CDH11: variants seen among roughly 807,000 people sequenced by gnomAD.
CDH11 encodes the protein cadherin 11.
A neutral mutation model predicts 67.8 loss-of-function variants in CDH11; 11 were observed. The observed-to-expected ratio is 0.16, with a 90% CI of 0.10 to 0.27. The LOEUF (loss-of-function observed/expected upper bound fraction) is 0.27, where lower values mean the gene tolerates loss of function less well. CDH11 is among the 10% of genes least tolerant of loss of function. The pLI, the probability that CDH11 is intolerant of heterozygous loss-of-function variation, is 1.00. For missense variants in CDH11, 847 were observed against 1,031.2 expected (o/e 0.82, Z 2.45); for synonymous variants, 419 against 400.0 (o/e 1.05, Z -0.57).
At chr16:65,079,401 A>T (rs1266982721) in intron 1 of CDH11, among the ~76,000 whole-genome samples, 6 of 152,216 alleles carry the variant, frequency 3.9e-5, no homozygotes, top group Non-Finnish European at 7.3e-5. Flanking sequence ...GATGTTTTCT[A>T]AAAAGTATTT....
chr16:65,009,328 AT>A (rs2073128763), intron 2 of CDH11, among the ~76,000 whole-genome samples: 1 of 152,200 alleles, frequency 6.6e-6, no homozygotes, highest in Non-Finnish European at 1.5e-5. Context: ...CAGTCCATCA[AT>A]AACCATCAAT....
intron 1 of CDH11, among the ~76,000 whole-genome samples, chr16:65,103,704 C>T (rs1163376837): frequency 6.6e-6 from 1 of 152,078 alleles, no homozygotes; most frequent in Non-Finnish European, 1.5e-5. Flanking sequence ...GTAAGGTATC[C>T]ACTAGCTGCA....
At chr16:65,071,619 C>G (rs1334263268) in intron 1 of CDH11, among the ~76,000 whole-genome samples, 1 of 152,122 alleles carries the variant, frequency 6.6e-6, no homozygotes, top group African/African-American at 2.4e-5. Flanking sequence ...AGCGCGTGTC[C>G]CCAGACACCA....
chr16:64,973,576 C>T (rs965186302), intron 8 of CDH11, among the ~76,000 whole-genome samples: 10 of 152,098 alleles, frequency 6.6e-5, no homozygotes, highest in East Asian at 1.9e-4. Context: ...GAGGCCAAGG[C>T]GGATGGATCA....
At chr16:65,116,013 A>G (rs969335291) in intron 1 of CDH11, among the ~76,000 whole-genome samples, 1 of 152,188 alleles carries the variant, frequency 6.6e-6, no homozygotes, top group African/African-American at 2.4e-5. Flanking sequence ...GACAGAATCC[A>G]GCCGTGCACT....
chr16:65,028,730 A>G (rs1375829414), intron 2 of CDH11, among the ~76,000 whole-genome samples: 3 of 152,104 alleles, frequency 2.0e-5, no homozygotes, highest in Non-Finnish European at 4.4e-5. Flanking sequence ...CAGATGCCCA[A>G]CCCTCCATGC....
chr16:65,072,745 T>C (rs2074440035), intron 1 of CDH11, among the ~76,000 whole-genome samples: 1 of 152,176 alleles, frequency 6.6e-6, no homozygotes, highest in Non-Finnish European at 1.5e-5. Context: ...CACTATTGTA[T>C]TGTATATTGT....
chr16:64,967,788 T>C (rs1393857663), intron 11 of CDH11, among the ~76,000 whole-genome samples: 1 of 152,216 alleles, frequency 6.6e-6, no homozygotes, highest in East Asian at 1.9e-4. Context: ...AATGTTTTAA[T>C]ACCATTTTTG....
At chr16:65,060,799 T>TA (rs562675085) in intron 1 of CDH11, among the ~76,000 whole-genome samples, 141 of 149,176 alleles carry the variant, frequency 9.5e-4, no homozygotes, top group African/African-American at 2.0e-3. Flanking sequence ...ATTTTTACAT[T>TA]AAAAAAAAAA....
rs534366460 is a variant in CDH11, at chr16:65,004,927, C to G, written c.-58G>C. 1.4e-6 allele frequency: 2 copies of G among 1,453,792 alleles called. No individual in the cohort carries two copies. Among genetic ancestry groups the G allele is most frequent in the East Asian group, 2.6e-5 (1 of 38,934 alleles). The allele number at this position is 1,453,792 out of a possible 1,614,324, so 90.1% of individuals were successfully genotyped here. On this transcript the variant is annotated 5_prime_UTR_variant, in exon 3 of 13. Transcript: ENST00000268603. ...GCTGTCACCCCTTCCACCAACTGTA[C>G]GGTGGTCTTGCTGAGGGTGGCCTCC...
In CDH11 at chr16:65,004,763, T is replaced by A. The variant is rs754156700; in HGVS notation, c.107A>T (p.His36Leu). ...ERRGHLRPSF[H>L]GHHEKGKEGQ... ...CTCCTTGCCCTTCTCATGGTGCCCA[T>A]GGAAGGAGGGCCGCAGGTGCCCCCG... The change falls in exon 3 of 13, where the codon CAT (histidine) becomes CTT (leucine). Residue 36 changes from histidine (H) to leucine (L), a missense_variant. By Grantham distance (99) the His-to-Leu change is moderately conservative (BLOSUM62 -3). Transcript: ENST00000268603. The A allele has an allele frequency of 1.1e-5, 18 of 1,610,778 alleles. No individual in the cohort carries two copies. The highest frequency in any genetic ancestry group is 1.7e-6 in the Non-Finnish European group (2 of 1,178,642).
At chr16:65,028,097 G>A (rs1265986630) in intron 2 of CDH11, among the ~76,000 whole-genome samples, 1 of 152,154 alleles carries the variant, frequency 6.6e-6, no homozygotes, top group African/African-American at 2.4e-5. Context: ...AGGAAGAAAC[G>A]GAAAGAAGAG....
At chr16:65,096,429 G>A (rs1353901704) in intron 1 of CDH11, among the ~76,000 whole-genome samples, 6 of 144,720 alleles carry the variant, frequency 4.1e-5, no homozygotes, top group Admixed American at 1.4e-4. Flanking sequence ...GTGTGTGTGT[G>A]TGTGTGTGTG....
intron 11 of CDH11, chr16:64,968,668 G>T: frequency 4.4e-6 from 2 of 453,450 alleles, no homozygotes; most frequent in Non-Finnish European, 5.8e-6. Flanking sequence ...GCTTATGCCG[G>T]AGTTTAGGCA....
Position 64,946,898 on chromosome 16 carries a change from G to A in CDH11, c.*705C>T. The A allele has an allele frequency of 1.2e-6, 1 of 811,766 alleles. No individual in the cohort carries two copies. The highest frequency in any genetic ancestry group is 5.9e-5 in the South Asian group (1 of 17,016). The allele number at this position is 811,766 out of a possible 1,614,324, so 50.3% of individuals were successfully genotyped here. A position where few individuals can be genotyped will look rare whatever the true frequency, so the allele number is the denominator to read the frequency against. The stretch of plus-strand genomic sequence containing the variant: ...TGCCGTAACATTTTCTTACATGTCA[G>A]AATACTGATATTTATACGTATACTA... On this transcript the variant is annotated 3_prime_UTR_variant, in exon 13 of 13. Transcript: ENST00000268603.
intron 11 of CDH11, 111 bp from the exon 12 acceptor site, chr16:64,951,129 A>T (rs2071352318): frequency 9.2e-7 from 1 of 1,088,072 alleles, no homozygotes; most frequent in African/African-American, 1.6e-5. Flanking sequence ...GTTAACCGCC[A>T]GAATCGTTCT....
chr16:64,955,608 G>A (rs564299222), intron 11 of CDH11, among the ~76,000 whole-genome samples: 51 of 152,132 alleles, frequency 3.4e-4, no homozygotes, highest in African/African-American at 1.2e-3. Flanking sequence ...ATCCAGGTGG[G>A]GTGACCAGCA....
intron 2 of CDH11, among the ~76,000 whole-genome samples, chr16:65,027,232 T>C (rs537903325): frequency 6.6e-6 from 1 of 152,326 alleles, no homozygotes; most frequent in South Asian, 2.1e-4. Context: ...ACACTAACCT[T>C]GTTTTTTATG....
chr16:64,976,851 A>AAACCAACC (rs143816723), intron 8 of CDH11, among the ~76,000 whole-genome samples: 4,304 of 147,038 alleles, frequency 0.029, 80 homozygotes, highest in Non-Finnish European at 0.04. Flanking sequence ...CGGTCTCCAA[A>AAACCAACC]AACCAACCAA....
Sources: allele counts gnomAD v4.1 joint callset (sites outside exome capture counted in the v4.1 genomes callset), GRCh38; gene constraint gnomAD v4.1.1; transcripts MANE v1.5; gene names NCBI Gene and HGNC (gene_info 2026-07-23, HGNC 2026-07-21).